Variants in CD96 observed in about 807,000 individuals in gnomAD.
CD96 encodes CD96 molecule, also known as T-cell surface protein tactile.
In CD96, 70 loss-of-function variants were observed where a neutral mutation model predicts 71.3. The observed-to-expected ratio is 0.98, with a 90% CI of 0.81 to 1.20. The LOEUF is 1.20. CD96 is among the 50% of genes most tolerant of loss of function. CD96 has a pLI of 0.00. For synonymous variants in CD96, 248 were observed against 233.0 expected (o/e 1.06, Z -0.59); for missense variants, 742 against 677.5 (o/e 1.10, Z -1.06).
chr3:111,608,702 T>C (rs891325187), intron 8 of CD96, among the ~76,000 whole-genome samples: 1 of 152,238 alleles, frequency 6.6e-6, no homozygotes, highest in African/African-American at 2.4e-5. Context: ...ACAGGAACCG[T>C]ATTTGTTTTT....
At chr3:111,616,357 A>G (rs1938236967) in intron 8 of CD96, among the ~76,000 whole-genome samples, 1 of 152,218 alleles carries the variant, frequency 6.6e-6, no homozygotes, top group African/African-American at 2.4e-5. Flanking sequence ...TGCAGAGGAT[A>G]TCTCCCTAAA....
At position 111,608,514 on chromosome 3, in the gene CD96, G is replaced by C. The variant is rs114853217; in HGVS notation, c.1180+1722G>C. ...TGATCTTTATTATGAGTGGTAGACA[G>C]AGCAAGCATTATTGTTCCCACTTGC... On this transcript the variant is annotated intron_variant, in intron 8 of 13. Transcript: ENST00000352690. Among the ~76,000 whole-genome samples the C allele has an allele frequency of 1.0e-2, 1,516 of 152,336 alleles. 33 individuals are homozygous for C. The highest frequency in any genetic ancestry group is 0.034 in the African/African-American group (1,418 of 41,572).
At chr3:111,553,078 G>A (rs1453712633) in intron 2 of CD96, among the ~76,000 whole-genome samples, 6 of 149,246 alleles carry the variant, frequency 4.0e-5, no homozygotes, top group Non-Finnish European at 5.9e-5. Flanking sequence ...AGATAAAGAT[G>A]TCATTAAAAA....
chr3:111,577,081 G>C (rs2107577852), intron 3 of CD96, among the ~76,000 whole-genome samples: 1 of 152,288 alleles, frequency 6.6e-6, no homozygotes, highest in South Asian at 2.1e-4. Context: ...GGATAAGTTG[G>C]AAGGTTTTGT....
At chr3:111,639,391 A>T (rs1939490570) in intron 12 of CD96, among the ~76,000 whole-genome samples, 1 of 152,098 alleles carries the variant, frequency 6.6e-6, no homozygotes, top group Admixed American at 6.5e-5. Context: ...TGCATGATTC[A>T]GCAAAGGCAG....
intron 5 of CD96, chr3:111,595,429 C>T (rs1937211902): frequency 6.6e-6 from 1 of 152,150 alleles, no homozygotes; most frequent in Non-Finnish European, 1.5e-5. Context: ...GGTTTCCTCC[C>T]ACTTCTAGGG....
intron 3 of CD96, among the ~76,000 whole-genome samples, chr3:111,576,463 T>C (rs1453382058): frequency 6.6e-6 from 1 of 152,228 alleles, no homozygotes; most frequent in East Asian, 1.9e-4. Context: ...TCTAGCTTTC[T>C]AAAATTTCTA....
intron 12 of CD96, 70 bp downstream of exon 12, chr3:111,638,238 C>T: frequency 2.1e-6 from 2 of 971,638 alleles, no homozygotes; most frequent in Non-Finnish European, 3.4e-6. Context: ...CAAGTACCTG[C>T]CATTTGCCAG....
At chr3:111,563,204 C>T (rs1285527346) in intron 2 of CD96, among the ~76,000 whole-genome samples, 1 of 152,212 alleles carries the variant, frequency 6.6e-6, no homozygotes, top group Non-Finnish European at 1.5e-5. Flanking sequence ...AACCAAATTT[C>T]AACATGCATT....
chr3:111,654,694 A>G (rs1321560588), downstream of CD96, among the ~76,000 whole-genome samples: 1 of 152,242 alleles, frequency 6.6e-6, no homozygotes, highest in Non-Finnish European at 1.5e-5. Context: ...TAAAGAAGAG[A>G]GCATGGCTGG....
chr3:111,553,929 A>G (rs1041525249), intron 2 of CD96, among the ~76,000 whole-genome samples: 7 of 151,884 alleles, frequency 4.6e-5, no homozygotes, highest in Non-Finnish European at 1.0e-4. Flanking sequence ...ATTTATTCTT[A>G]CTTTCTTATA....
intron 5 of CD96, chr3:111,593,246 C>T (rs764777238): frequency 4.8e-5 from 13 of 273,504 alleles, no homozygotes; most frequent in Non-Finnish European, 5.4e-5. Context: ...TGTTAAACAA[C>T]GCTGACTGGC....
intron 12 of CD96, among the ~76,000 whole-genome samples, chr3:111,643,380 A>G (rs1357830059): frequency 6.6e-6 from 1 of 152,208 alleles, no homozygotes; most frequent in African/African-American, 2.4e-5. Context: ...ACAATACTGA[A>G]TGGGGAAAAG....
At chr3:111,567,313 C>T (rs1935763582) in intron 2 of CD96, among the ~76,000 whole-genome samples, 1 of 152,126 alleles carries the variant, frequency 6.6e-6, no homozygotes, top group African/African-American at 2.4e-5. Flanking sequence ...TGTAATTTTT[C>T]AGTGTTTAGC....
intron 7 of CD96, among the ~76,000 whole-genome samples, chr3:111,601,328 A>G (rs1361477999): frequency 6.6e-6 from 1 of 152,218 alleles, no homozygotes; most frequent in Non-Finnish European, 1.5e-5. Context: ...ATATACTTTT[A>G]ATATTTAGGA....
At chr3:111,568,268 T>C (rs1460148872) in intron 3 of CD96, among the ~76,000 whole-genome samples, 2 of 152,206 alleles carry the variant, frequency 1.3e-5, no homozygotes, top group Non-Finnish European at 2.9e-5. Context: ...ATCTGGATTT[T>C]TATGAAAAAT....
At chr3:111,590,556 A>C (rs1936929426) in intron 5 of CD96, among the ~76,000 whole-genome samples, 1 of 152,244 alleles carries the variant, frequency 6.6e-6, no homozygotes, top group Non-Finnish European at 1.5e-5. Flanking sequence ...GATGCCCCTC[A>C]GGCATGGACA....
chr3:111,576,712 A>G (rs550331578), intron 3 of CD96, among the ~76,000 whole-genome samples: 121 of 152,328 alleles, frequency 7.9e-4, no homozygotes, highest in African/African-American at 2.8e-3. Flanking sequence ...ACTTTGCAGA[A>G]TTCTTAGAAT....
rs1392317732 is a variant in CD96, at chr3:111,638,180, A to G, written c.1477+12A>G. 3.3e-6 allele frequency: 5 copies of G among 1,506,152 alleles called. No homozygotes were observed. The allele number at this position is 1,506,152 out of a possible 1,614,324, so 93.3% of individuals were successfully genotyped here. On this transcript the variant is annotated intron_variant, in intron 12 of 13. Coordinates refer to ENST00000352690, the MANE Select transcript of CD96 (RefSeq NM_005816.5). ...CGTCCATATCACTGGTAAGTCATTT[A>G]TCCTATTTTGGGGGATTTTATGCTT...
Sources: allele counts gnomAD v4.1 joint callset (sites outside exome capture counted in the v4.1 genomes callset), GRCh38; gene constraint gnomAD v4.1.1; transcripts MANE v1.5; gene names NCBI Gene and HGNC (gene_info 2026-07-23, HGNC 2026-07-21).